C1QL4: variants seen among roughly 807,000 people sequenced by gnomAD.
C1QL4 encodes complement C1q like 4.
Under a neutral mutation model 13.4 loss-of-function variants are expected in C1QL4, and 5 were observed. That is an observed-to-expected ratio of 0.37 (90% confidence interval 0.19 to 0.78). C1QL4 has a LOEUF of 0.78. C1QL4 is among the 30% of genes least tolerant of loss of function. C1QL4 has a pLI of 0.47. For missense variants in C1QL4, 367 were observed against 361.6 expected, an observed-to-expected ratio of 1.01 and a Z score of -0.12; for synonymous variants, 168 against 153.9, an observed-to-expected ratio of 1.09 and a Z score of -0.68.
Position 49,336,080 on chromosome 12 carries a change from G to C in C1QL4, c.398C>G (p.Thr133Ser), listed in dbSNP as rs570187061. 2 of 1,612,486 alleles carry C rather than the reference G, an allele frequency of 1.2e-6. No individual in the cohort carries two copies. The highest frequency in any genetic ancestry group is 2.7e-5 in the African/African-American group (2 of 75,034). ...TGCCTCGTAGGCGTTGCCCACGTTG[G>C]TCACCACGTCGTCGAAGCGCAGCAC... The part of the protein sequence containing the change: ...YEVLRFDDVV[T>S]NVGNAYEAAS... The change falls in exon 1 of 2, where the codon ACC becomes AGC. Residue 133 changes from threonine (T) to serine (S), a missense_variant. Thr to Ser is a moderately conservative substitution (Grantham distance 58, BLOSUM62 1). Transcript: ENST00000334221. The surrounding 1 kb of genome is among the most constrained non-coding windows in gnomAD (Gnocchi z 7.7).
rs904300564 is a variant in C1QL4 at position 49,336,681 on chromosome 12, G to A, written c.-204C>T. The stretch of plus-strand genomic sequence containing the variant: ...CGCTCCCCTTACCCTGCCTCTGCGG[G>A]CTCCAGCCGCGGCGGTGCCGCTCCC... On this transcript the variant is annotated 5_prime_UTR_variant, in exon 1 of 2. Transcript: ENST00000334221. The surrounding 1 kb of genome is among the most constrained non-coding windows in gnomAD (Gnocchi z 7.7). 1.6e-5 allele frequency: 9 copies of A among 570,172 alleles called. No individual in the cohort carries two copies. The highest frequency in any genetic ancestry group is 3.2e-5 in the South Asian group (1 of 31,720). The allele number at this position is 570,172 out of a possible 1,614,324, so 35.3% of individuals were successfully genotyped here. A position where few individuals can be genotyped will look rare whatever the true frequency, so the allele number is the denominator to read the frequency against.
At chr12:49,333,960 G>A (rs1046012348) in intron 1 of C1QL4, among the ~76,000 whole-genome samples, 1 of 151,828 alleles carries the variant, frequency 6.6e-6, no homozygotes, top group Non-Finnish European at 1.5e-5. Context: ...TTGGGAGGCC[G>A]AGGCCGGCAG....
intron 1 of C1QL4, among the ~76,000 whole-genome samples, chr12:49,334,738 C>T (rs369235022): frequency 3.4e-4 from 52 of 152,194 alleles, no homozygotes; most frequent in Admixed American, 1.0e-3. Flanking sequence ...AGATAGACAC[C>T]GCTCTACTCT....
rs1243476070 is a variant in C1QL4 at position 49,333,164 on chromosome 12, G to A, written c.607C>T (p.His203Tyr). The A allele has an allele frequency of 6.2e-7, 1 of 1,614,188 alleles. No homozygotes were observed. The highest frequency in any genetic ancestry group is 8.5e-7 in the Non-Finnish European group (1 of 1,180,012). Residue 203 changes from histidine (H) to tyrosine (Y), a missense_variant, in exon 2 of 2, where the codon CAC becomes TAC. Physicochemically the swap from His to Tyr is moderately conservative, Grantham distance 83. Transcript: ENST00000334221. ...YDYASNSVIL[H>Y]LDVGDEVFIK... ...AAGACCTCGTCGCCCACGTCCAGGT[G>A]CAGAATGACGCTGTTGCTGGCGTAG...
At chr12:49,334,668 C>T (rs1342944246) in intron 1 of C1QL4, among the ~76,000 whole-genome samples, 3 of 152,148 alleles carry the variant, frequency 2.0e-5, no homozygotes, top group Non-Finnish European at 4.4e-5. Flanking sequence ...CACACTGGCC[C>T]CCTCCACCTC....
At chr12:49,333,316 G>C in intron 1 of C1QL4, 83 bp from the exon 2 acceptor site, 1 of 1,447,786 alleles carries the variant, frequency 6.9e-7, no homozygotes, top group Non-Finnish European at 9.2e-7. Context: ...GTGCGAAGGC[G>C]GCCGGGCAGC....
chr12:49,332,472 A>AGG lies in C1QL4; in HGVS notation c.*580_*581dup. ...TGTAGCCCCAGGGCCTAGTCCGGATAGGGGGGAATGGGGACTGTACAGAAT... is the reference window on the plus strand; with the variant it reads ...TGTAGCCCCAGGGCCTAGTCCGGATAGGGGGGGGAATGGGGACTGTACAGAAT... On this transcript the variant is annotated 3_prime_UTR_variant, in exon 2 of 2. Transcript: ENST00000334221. The AGG allele has an allele frequency of 6.5e-6, 1 of 154,868 alleles. No individual in the cohort carries two copies. 9.6% of individuals were successfully genotyped at this position (154,868 alleles called of 1,614,324 possible).
In C1QL4 at chr12:49,333,197, T is replaced by A; in HGVS notation, c.574A>T (p.Asn192Tyr). Residue 192 changes from asparagine (N) to tyrosine (Y), a missense_variant, in exon 2 of 2, where the codon AAC becomes TAC. Coordinates refer to ENST00000334221, the MANE Select transcript of C1QL4 (RefSeq NM_001008223.2). ...ACGCTGTTGCTGGCGTAGTCGTAGT[T>A]CTGGTCCGCGTCCTGAGCAATGGCG... is the stretch of plus-strand genomic sequence containing the variant. The part of the protein sequence containing the change: ...ASAIAQDADQ[N>Y]YDYASNSVIL... 1 of 1,614,072 alleles carries A rather than the reference T, an allele frequency of 6.2e-7. No homozygotes were observed. Among genetic ancestry groups the A allele is most frequent in the Non-Finnish European group, 8.5e-7 (1 of 1,179,970 alleles).
chr12:49,336,421 T>A lies in C1QL4; in HGVS notation c.57A>T (p.Pro19=), dbSNP rs1345977169. The change falls in exon 1 of 2, where the codon CCA becomes CCT. Residue 19 remains proline, a synonymous_variant. Coordinates refer to ENST00000334221, the MANE Select transcript of C1QL4 (RefSeq NM_001008223.2). This position sits in a 1 kb window ranked among gnomAD's most constrained non-coding sequence, Gnocchi z 7.7. ...AGCGACCCAGCATCTCGTAGTGCGC[T>A]GGCCCGCGGGAGCTGTGCACCAGCA... ...IPLLVHSSRG[P]AHYEMLGRCR... 1.9e-6 allele frequency: 3 copies of A among 1,547,906 alleles called. No homozygotes were observed. The highest frequency in any genetic ancestry group is 2.6e-6 in the Non-Finnish European group (3 of 1,160,586).
intron 1 of C1QL4, among the ~76,000 whole-genome samples, chr12:49,335,148 G>A (rs929107584): frequency 1.3e-5 from 2 of 152,258 alleles, no homozygotes; most frequent in Admixed American, 6.5e-5. Flanking sequence ...GCCCACAAGG[G>A]CAGGGAACTG....
chr12:49,334,272 C>T (rs1943614003), intron 1 of C1QL4, among the ~76,000 whole-genome samples: 1 of 152,208 alleles, frequency 6.6e-6, no homozygotes, highest in African/African-American at 2.4e-5. Flanking sequence ...TCCTGTCAGT[C>T]CTCATGGAGG....
At chr12:49,335,020 C>T (rs1943621403) in intron 1 of C1QL4, among the ~76,000 whole-genome samples, 1 of 152,216 alleles carries the variant, frequency 6.6e-6, no homozygotes, top group Non-Finnish European at 1.5e-5. Flanking sequence ...AGCTCTGGCA[C>T]CTTCTCCCAC....
Position 49,336,176 on chromosome 12 carries a change from G to C in C1QL4, c.302C>G (p.Ala101Gly). 1.3e-6 allele frequency: 2 copies of C among 1,596,658 alleles called. No individual in the cohort carries two copies. The highest frequency in any genetic ancestry group is 1.7e-6 in the Non-Finnish European group (2 of 1,172,120). Reference sequence around the variant, plus strand: ...GCGAGGCACGTAGCCGGCAGCGGGCGCCACCCCGCCCGGACCTGGACCGGG... The same window carrying C: ...GCGAGGCACGTAGCCGGCAGCGGGCCCCACCCCGCCCGGACCTGGACCGGG... ...GPPGPGPGGVAPAAGYVPRIA... is the reference protein window; with the variant it reads ...GPPGPGPGGVGPAAGYVPRIA... Residue 101 changes from alanine to glycine, a missense_variant, in exon 1 of 2, where the codon GCG becomes GGG. Transcript: ENST00000334221. The surrounding 1 kb of genome is among the most constrained non-coding windows in gnomAD (Gnocchi z 7.7).
Position 49,336,208 on chromosome 12 carries a change from C to CG in C1QL4, c.269dup (p.Pro93SerfsTer178). ...CGCCCGGACCTGGACCGGGAGGGCC[C>CG]GGGGGGCCTGGCCTGCCGGGTTCTC... On this transcript the variant is annotated frameshift_variant, in exon 1 of 2. Coordinates refer to ENST00000334221, the MANE Select transcript of C1QL4 (RefSeq NM_001008223.2). LOFTEE classifies it high-confidence loss of function. This position sits in a 1 kb window ranked among gnomAD's most constrained non-coding sequence, Gnocchi z 7.7. The CG allele has an allele frequency of 1.9e-6, 3 of 1,543,436 alleles. No homozygotes were observed. The highest frequency in any genetic ancestry group is 1.7e-6 in the Non-Finnish European group (2 of 1,146,588).
In C1QL4 at chr12:49,336,675, C is replaced by T. The variant is rs796427102; in HGVS notation, c.-198G>A. On this transcript the variant is annotated 5_prime_UTR_variant, in exon 1 of 2. Transcript: ENST00000334221. This position sits in a 1 kb window ranked among gnomAD's most constrained non-coding sequence, Gnocchi z 7.7. The stretch of plus-strand genomic sequence containing the variant: ...GCCCCCCGCTCCCCTTACCCTGCCT[C>T]TGCGGGCTCCAGCCGCGGCGGTGCC... 8 of 590,178 alleles carry T rather than the reference C, an allele frequency of 1.4e-5. No individual in the cohort carries two copies. Among genetic ancestry groups the T allele is most frequent in the African/African-American group, 1.2e-4 (6 of 50,856 alleles). 36.6% of individuals were successfully genotyped at this position (590,178 alleles called of 1,614,324 possible).
At position 49,333,014 on chromosome 12, in the gene C1QL4, G is replaced by C. The variant is rs530340446; in HGVS notation, c.*40C>G. ...GGGCGGGCAGGAGGTGGGTGAGGAC[G>C]GGAGAGAAGGGGCGAGCGGGGGCAC... On this transcript the variant is annotated 3_prime_UTR_variant, in exon 2 of 2. Transcript: ENST00000334221. 19 of 1,559,746 alleles carry C rather than the reference G, an allele frequency of 1.2e-5. No individual in the cohort carries two copies. Among genetic ancestry groups the C allele is most frequent in the Non-Finnish European group, 1.6e-5 (18 of 1,150,464 alleles).
In C1QL4 at chr12:49,336,449, G is replaced by C. The variant is rs1378511389; in HGVS notation, c.29C>G (p.Pro10Arg). The change falls in exon 1 of 2, where the codon CCG (proline) becomes CGG (arginine). Residue 10 changes from proline (P) to arginine (R), a missense_variant. Coordinates refer to ENST00000334221, the MANE Select transcript of C1QL4 (RefSeq NM_001008223.2). This position sits in a 1 kb window ranked among gnomAD's most constrained non-coding sequence, Gnocchi z 7.7. ...CCCGCGGGAGCTGTGCACCAGCAGC[G>C]GGATGGCCACCAGCAGCAGCAGCAC... Reference protein sequence around the residue: MVLLLLVAIPLLVHSSRGPA... With the variant: MVLLLLVAIRLLVHSSRGPA... The C allele has an allele frequency of 1.3e-6, 2 of 1,549,122 alleles. No homozygotes were observed. The highest frequency in any genetic ancestry group is 2.3e-5 in the South Asian group (2 of 85,944).
chr12:49,334,818 C>T (rs954042650), intron 1 of C1QL4, among the ~76,000 whole-genome samples: 5 of 152,196 alleles, frequency 3.3e-5, no homozygotes, highest in African/African-American at 1.2e-4. Flanking sequence ...TGAGGACGCA[C>T]ACTCACTCCC....
In C1QL4 at chr12:49,336,470, A is replaced by G; in HGVS notation, c.8T>C (p.Leu3Pro). 1 of 1,540,366 alleles carries G rather than the reference A, an allele frequency of 6.5e-7. No homozygotes were observed. The highest frequency in any genetic ancestry group is 8.6e-7 in the Non-Finnish European group (1 of 1,157,450). ...CAGCGGGATGGCCACCAGCAGCAGC[A>G]GCACCATGGCCACTCCGACGGCCGC... MV[L>P]LLLVAIPLLV... is the part of the protein sequence containing the mutation. The change falls in exon 1 of 2, where the codon CTG becomes CCG. Residue 3 changes from leucine (L) to proline (P), a missense_variant. By Grantham distance (98) the Leu-to-Pro change is moderately conservative. Coordinates refer to ENST00000334221, the MANE Select transcript of C1QL4 (RefSeq NM_001008223.2). This position sits in a 1 kb window ranked among gnomAD's most constrained non-coding sequence, Gnocchi z 7.7.
Sources: gnomAD v4.1 joint callset for allele counts (sites outside exome capture counted in the v4.1 genomes callset) on GRCh38, gnomAD v4.1.1 for gene constraint, Gnocchi (gnomAD v3.1) non-coding constraint, MANE v1.5 for transcripts, NCBI Gene and HGNC (gene_info 2026-07-23, HGNC 2026-07-21) for gene names.